Variants in STAP1 observed in about 807,000 individuals in gnomAD.
STAP1 encodes signal-transducing adaptor protein 1.
A neutral mutation model predicts 37.8 loss-of-function variants in STAP1; 30 were observed. The ratio of observed to expected loss-of-function variants is 0.79; its 90% confidence interval spans 0.59 to 1.08. STAP1 has a LOEUF of 1.08. STAP1 is among the 50% of genes least tolerant of loss of function. STAP1 has a pLI of 0.00. For missense variants in STAP1, 357 were observed against 349.4 expected (o/e 1.02, Z -0.17); for synonymous variants, 130 against 116.0 (o/e 1.12, Z -0.78).
chr4:67,559,359 A>G (rs367746475), intron 1 of STAP1, among the ~76,000 whole-genome samples: 12 of 152,144 alleles, frequency 7.9e-5, no homozygotes, highest in African/African-American at 2.7e-4. Flanking sequence ...GAGTCATTTG[A>G]AGTTTATAAT....
chr4:67,559,038 C>T (rs1471726389), intron 1 of STAP1, 109 bp downstream of exon 1: 2 of 1,122,400 alleles, frequency 1.8e-6, no homozygotes, highest in Non-Finnish European at 2.4e-6. Flanking sequence ...GAAATTAAAT[C>T]ATCTTCTCTT....
intron 8 of STAP1, among the ~76,000 whole-genome samples, chr4:67,600,860 T>A (rs1172511593): frequency 2.6e-5 from 4 of 152,216 alleles, no homozygotes. Context: ...AGTCTATGTC[T>A]GTCTTTATAC....
intron 1 of STAP1, among the ~76,000 whole-genome samples, chr4:67,564,773 C>A (rs909463450): frequency 1.3e-5 from 2 of 152,104 alleles, no homozygotes; most frequent in Non-Finnish European, 2.9e-5. Flanking sequence ...ATTAGCCAGG[C>A]ATGGTGGCAT....
chr4:67,578,612 G>A (rs1727779948), intron 4 of STAP1, among the ~76,000 whole-genome samples: 1 of 151,988 alleles, frequency 6.6e-6, no homozygotes, highest in South Asian at 2.1e-4. Flanking sequence ...TCCAATACCG[G>A]GTATAACTAT....
intron 1 of STAP1, among the ~76,000 whole-genome samples, chr4:67,562,296 C>A (rs1339783965): frequency 2.0e-5 from 3 of 151,288 alleles, no homozygotes; most frequent in Non-Finnish European, 4.4e-5. Flanking sequence ...GAGTCAAGAT[C>A]GTGCCACTGC....
chr4:67,563,376 A>C (rs1727394951), intron 1 of STAP1, among the ~76,000 whole-genome samples: 1 of 152,148 alleles, frequency 6.6e-6, no homozygotes, highest in African/African-American at 2.4e-5. Context: ...CCTTACAGTA[A>C]CTCTTCTGGG....
At chr4:67,585,945 A>T (rs2109868003) in intron 6 of STAP1, among the ~76,000 whole-genome samples, 1 of 152,334 alleles carries the variant, frequency 6.6e-6, no homozygotes, top group Non-Finnish European at 1.5e-5. Context: ...AGATGAGAGG[A>T]TGTAACACTG....
At chr4:67,574,066 A>C (rs1727666452) in intron 2 of STAP1, among the ~76,000 whole-genome samples, 1 of 152,148 alleles carries the variant, frequency 6.6e-6, no homozygotes, top group East Asian at 1.9e-4. Flanking sequence ...TGCCATAATC[A>C]GTGGTGTGCA....
intron 1 of STAP1, among the ~76,000 whole-genome samples, chr4:67,563,262 G>T (rs7682206): frequency 0.18 from 27,985 of 152,138 alleles, 2,823 homozygotes; most frequent in South Asian, 0.27. Flanking sequence ...AGCTGAATAG[G>T]TTGCTCCAAT....
At position 67,604,204 on chromosome 4, in the gene STAP1, A is replaced by G. The variant is rs190715633; in HGVS notation, c.827-2092A>G. On this transcript the variant is annotated intron_variant, in intron 8 of 8. Transcript: ENST00000265404. The stretch of plus-strand genomic sequence containing the variant: ...TCACTGTCTACTTCTTTTCCTAAGC[A>G]CACAGATTCTCTCTCTGCACGAGCA... Among the ~76,000 whole-genome samples the G allele has an allele frequency of 4.2e-3, 641 of 152,346 alleles. 5 individuals carry two copies. The highest frequency in any genetic ancestry group is 2.9e-3 in the Non-Finnish European group (199 of 68,034).
At chr4:67,559,256 A>G (rs1267120618) in intron 1 of STAP1, among the ~76,000 whole-genome samples, 1 of 152,162 alleles carries the variant, frequency 6.6e-6, no homozygotes, top group Non-Finnish European at 1.5e-5. Flanking sequence ...TGTTTCTTGT[A>G]TTTTCTCCAC....
intron 8 of STAP1, among the ~76,000 whole-genome samples, chr4:67,604,917 G>A (rs1577774365): frequency 6.6e-6 from 1 of 152,176 alleles, no homozygotes; most frequent in East Asian, 1.9e-4. Context: ...GGACTTGGTT[G>A]TGGTTTATGC....
intron 3 of STAP1, among the ~76,000 whole-genome samples, chr4:67,576,149 C>A (rs1037122728): frequency 6.6e-6 from 1 of 152,112 alleles, no homozygotes; most frequent in Admixed American, 6.5e-5. Context: ...AGTAAGTCTC[C>A]TCTCAGATGA....
At chr4:67,600,398 T>C (rs2109878223) in intron 8 of STAP1, among the ~76,000 whole-genome samples, 1 of 152,308 alleles carries the variant, frequency 6.6e-6, no homozygotes, top group African/African-American at 2.4e-5. Context: ...TTTTAATGTT[T>C]TAAAGAGTTG....
At chr4:67,570,297 G>A (rs959207986) in intron 1 of STAP1, among the ~76,000 whole-genome samples, 7 of 152,062 alleles carry the variant, frequency 4.6e-5, no homozygotes, top group African/African-American at 1.4e-4. Flanking sequence ...TTGTTTGACT[G>A]GAAATGCAGT....
intron 1 of STAP1, among the ~76,000 whole-genome samples, chr4:67,563,569 T>C (rs1727399918): frequency 6.6e-6 from 1 of 152,124 alleles, no homozygotes; most frequent in Admixed American, 6.5e-5. Flanking sequence ...CCAGGCGTGG[T>C]GGCACACCCT....
chr4:67,587,719 C>CTT (rs34808968), intron 6 of STAP1, among the ~76,000 whole-genome samples: 14 of 128,064 alleles, frequency 1.1e-4, no homozygotes, highest in African/African-American at 4.1e-4. Flanking sequence ...TTCTTTCTTT[C>CTT]TTTTTTTTTT....
intron 7 of STAP1, among the ~76,000 whole-genome samples, chr4:67,592,071 T>A (rs1728130128): frequency 6.6e-6 from 1 of 152,094 alleles, no homozygotes. Flanking sequence ...ATTCTTTCAT[T>A]TTTCACCCTC....
chr4:67,581,206 G>T, intron 4 of STAP1, 99 bp from the exon 5 acceptor site: 5 of 1,145,126 alleles, frequency 4.4e-6, no homozygotes, highest in Non-Finnish European at 6.1e-6. Context: ...CCTCTGTCAG[G>T]TAACTGTAGC....
Sources: allele counts gnomAD v4.1 joint callset (sites outside exome capture counted in the v4.1 genomes callset), GRCh38; gene constraint gnomAD v4.1.1; transcripts MANE v1.5; gene names NCBI Gene and HGNC (gene_info 2026-07-23, HGNC 2026-07-21).